Variants in CELF2 observed in about 807,000 individuals in gnomAD.
CELF2 encodes the protein CUG triplet repeat RNA-binding protein 2.
Under a neutral mutation model 62.6 loss-of-function variants are expected in CELF2, and 8 were observed. The ratio of observed to expected loss-of-function variants is 0.13; its 90% CI spans 0.07 to 0.23. The LOEUF (loss-of-function observed/expected upper bound fraction) is 0.23. Among genes scored for constraint, CELF2 ranks in the 10% least tolerant of loss-of-function variants. CELF2 has a pLI of 1.00. For synonymous variants in CELF2, 258 were observed against 250.0 expected (o/e 1.03, Z -0.30); for missense variants, 333 against 671.0 (o/e 0.50, Z 5.56).
chr10:10,577,332 G>A, the CELF2 span, among the ~76,000 whole-genome samples: 1 of 151,368 alleles, frequency 6.6e-6, no homozygotes, highest in Non-Finnish European at 1.5e-5. Flanking sequence ...TCTTATTGTG[G>A]AATTTGGGTC....
chr10:10,713,907 T>C, the CELF2 span, among the ~76,000 whole-genome samples: 111 of 152,168 alleles, frequency 7.3e-4, no homozygotes, highest in Admixed American at 1.5e-3. Context: ...TGGCGGCACG[T>C]GTCTGTAATC....
intron 1 of CELF2, among the ~76,000 whole-genome samples, chr10:11,103,540 C>A (rs1301212883): frequency 7.9e-6 from 1 of 127,310 alleles, no homozygotes; most frequent in Non-Finnish European, 1.6e-5. Context: ...TATTTGACTT[C>A]TCTGAACCTC....
intron 7 of CELF2, among the ~76,000 whole-genome samples, chr10:11,273,632 A>G (rs1258175597): frequency 1.3e-5 from 2 of 152,152 alleles, no homozygotes; most frequent in South Asian, 2.1e-4. Context: ...GGTTTATCAT[A>G]TCAAACTGGA....
chr10:10,879,528 A>G (rs147684220), intron 1 of CELF2, among the ~76,000 whole-genome samples: 705 of 152,364 alleles, frequency 4.6e-3, no homozygotes, highest in Middle Eastern at 0.017. Context: ...GAATTTACAC[A>G]TACCTTACCA....
chr10:10,855,453 C>T (rs1293637121), intron 1 of CELF2, among the ~76,000 whole-genome samples: 4 of 152,204 alleles, frequency 2.6e-5, no homozygotes, highest in Non-Finnish European at 5.9e-5. Context: ...GCTCTGATAA[C>T]AGAAATACAG....
rs779360163 is a variant in CELF2, at chr10:11,270,743, C to T, written c.696C>T (p.Leu232=). 3 of 1,564,242 alleles carry T rather than the reference C, an allele frequency of 1.9e-6. No individual in the cohort carries two copies. The highest frequency in any genetic ancestry group is 1.4e-5 in the African/African-American group (1 of 72,734). The change falls in exon 7 of 13, where the codon CTC becomes CTT. Residue 232 remains leucine (L), a synonymous_variant. Transcript: ENST00000633077. The surrounding 1 kb of genome is among the most constrained non-coding windows in gnomAD (Gnocchi z 5.8). Reference sequence around the variant, plus strand: ...AGCAAAGGCGCCTCCAGCAGCAGCTCGCTCAGCAGATGCAGCAGCTCAACA... The same window carrying T: ...AGCAAAGGCGCCTCCAGCAGCAGCTTGCTCAGCAGATGCAGCAGCTCAACA... ...DKEQRRLQQQ[L]AQQMQQLNTA... is the part of the protein sequence containing the mutation.
At chr10:10,698,775 A>G in the CELF2 span, among the ~76,000 whole-genome samples, 1 of 152,198 alleles carries the variant, frequency 6.6e-6, no homozygotes, top group African/African-American at 2.4e-5. Context: ...TTAAAGACCC[A>G]TCCTTACACG....
rs554439451 is a variant in CELF2, at chr10:10,985,803, C to A, written c.89+65804C>A. Among the ~76,000 whole-genome samples the A allele has an allele frequency of 7.2e-5, 11 of 152,326 alleles. 1 individual carries two copies. The highest frequency in any genetic ancestry group is 4.6e-4 in the Admixed American group (7 of 15,296). On this transcript the variant is annotated intron_variant, in intron 2 of 13. Transcript: ENST00000636488. ...CTAAAGACCCATGAATGTGTGCTCA[C>A]AAAGCTGGGTCTGCACGTGGGCCTG...
exon 1 of CELF2, chr10:10,798,710 G>A (rs1435170415): frequency 1.8e-5 from 7 of 398,576 alleles, no homozygotes; most frequent in Non-Finnish European, 3.1e-5. Context: ...CTGTTCCCCA[G>A]CACCCCATCC....
chr10:10,607,283 C>T, the CELF2 span, among the ~76,000 whole-genome samples: 1 of 151,980 alleles, frequency 6.6e-6, no homozygotes, highest in Non-Finnish European at 1.5e-5. Context: ...CACAGTGTTA[C>T]ATTTTATTTA....
At chr10:11,072,228 T>C (rs1453155702) in intron 1 of CELF2, among the ~76,000 whole-genome samples, 2 of 152,234 alleles carry the variant, frequency 1.3e-5, no homozygotes, top group South Asian at 2.1e-4. Context: ...GAGAGAATTA[T>C]GTGTTTTTCT....
rs2095323611 is a variant in CELF2, at chr10:11,319,808, T to A, written c.1097-1381T>A. 2.1e-6 allele frequency: 1 copy of A among 470,952 alleles called. No individual in the cohort carries two copies. Among genetic ancestry groups the A allele is most frequent in the South Asian group, 1.5e-5 (1 of 64,562 alleles). The allele number at this position is 470,952 out of a possible 1,614,324, so 29.2% of individuals were successfully genotyped here. On this transcript the variant is annotated intron_variant, in intron 10 of 12. Coordinates refer to ENST00000633077, the MANE Select transcript of CELF2 (RefSeq NM_001326342.2). The surrounding 1 kb of genome is among the most constrained non-coding windows in gnomAD (Gnocchi z 4.4). ...TCATATCTTACATGTGTCCTTTTAA[T>A]TGAAGAGGCGAAGTTGGCCAAATAG... is the stretch of plus-strand genomic sequence containing the variant.
At chr10:10,649,078 C>G in the CELF2 span, among the ~76,000 whole-genome samples, 5 of 152,140 alleles carry the variant, frequency 3.3e-5, no homozygotes, top group African/African-American at 1.2e-4. Flanking sequence ...CCCATCTATC[C>G]CCTTTTGAAA....
the CELF2 span, among the ~76,000 whole-genome samples, chr10:10,721,855 G>A: frequency 6.6e-6 from 1 of 152,190 alleles, no homozygotes; most frequent in Non-Finnish European, 1.5e-5. Flanking sequence ...AGATCCCAGA[G>A]CCTGGCATGT....
At chr10:11,024,525 T>C (rs993884544) in intron 1 of CELF2, among the ~76,000 whole-genome samples, 3 of 152,100 alleles carry the variant, frequency 2.0e-5, no homozygotes, top group African/African-American at 7.2e-5. Flanking sequence ...CGCCTGAACC[T>C]GGGAGGTGGA....
intron 2 of CELF2, among the ~76,000 whole-genome samples, chr10:10,986,971 A>G (rs1252794251): frequency 6.6e-6 from 1 of 152,250 alleles, no homozygotes; most frequent in African/African-American, 2.4e-5. Context: ...AGTCTGCTGT[A>G]CAAGTGTATA....
chr10:10,913,361 A>T (rs1044630638), intron 1 of CELF2, among the ~76,000 whole-genome samples: 2 of 122,156 alleles, frequency 1.6e-5, no homozygotes, highest in Non-Finnish European at 3.4e-5. Context: ...ATTAATATAT[A>T]TGCCTTTGTA....
At chr10:11,003,018 A>G (rs981462372), upstream of CELF2, among the ~76,000 whole-genome samples, 3 of 152,226 alleles carry the variant, frequency 2.0e-5, no homozygotes, top group Non-Finnish European at 4.4e-5. This position sits in a 1 kb window ranked among gnomAD's most constrained non-coding sequence, Gnocchi z 4.4. Context: ...GAGGTCAAAG[A>G]CTTACTATAT....
chr10:10,496,568 G>T, the CELF2 span, among the ~76,000 whole-genome samples: 1 of 152,198 alleles, frequency 6.6e-6, no homozygotes, highest in Non-Finnish European at 1.5e-5. Flanking sequence ...AAGATGGAGG[G>T]TGGATGAATA....
Sources: gnomAD v4.1 joint callset for allele counts (sites outside exome capture counted in the v4.1 genomes callset) on GRCh38, gnomAD v4.1.1 for gene constraint, Gnocchi (gnomAD v3.1) non-coding constraint, MANE v1.5 for transcripts, NCBI Gene and HGNC (gene_info 2026-07-23, HGNC 2026-07-21) for gene names.